Variants in ADGRL3 observed in about 807,000 individuals in gnomAD.
ADGRL3 encodes the protein calcium-independent alpha-latrotoxin receptor 3.
ADGRL3 carries 62 observed loss-of-function variants against 153.5 expected under a neutral mutation model. The observed-to-expected ratio is 0.40, with a 90% confidence interval of 0.33 to 0.50. The LOEUF (loss-of-function observed/expected upper bound fraction) is 0.50. Ranked by LOEUF, ADGRL3 falls within the 20% of genes least tolerant of loss-of-function variation. ADGRL3 has a pLI of 0.47. For missense variants in ADGRL3, 1,641 were observed against 1,859.4 expected (o/e 0.88, Z 2.16); for synonymous variants, 710 against 672.5 (o/e 1.06, Z -0.86).
intron 6 of ADGRL3, among the ~76,000 whole-genome samples, chr4:61,723,204 A>G (rs138434505): frequency 2.8e-3 from 425 of 152,252 alleles, no homozygotes; most frequent in African/African-American, 9.4e-3. Context: ...GCTTATCTTT[A>G]GTAAATAAGT....
At chr4:61,993,327 C>A (rs1334902404) in intron 19 of ADGRL3, among the ~76,000 whole-genome samples, 1 of 87,096 alleles carries the variant, frequency 1.1e-5, no homozygotes, top group African/African-American at 4.5e-5. Context: ...AATTCTCATT[C>A]TGTCACCCTG....
chr4:62,031,309 C>A, intron 22 of ADGRL3, 133 bp from the exon 23 acceptor site: 1 of 654,876 alleles, frequency 1.5e-6, no homozygotes, highest in Non-Finnish European at 2.5e-6. Context: ...AAAGTACTTA[C>A]ACCACCTGTC....
chr4:62,040,899 G>C (rs1335414645), intron 24 of ADGRL3, among the ~76,000 whole-genome samples: 1 of 152,024 alleles, frequency 6.6e-6, no homozygotes, highest in Admixed American at 6.6e-5. Flanking sequence ...AATGAAAGGA[G>C]AAAAGGAAAT....
In ADGRL3 at chr4:62,076,907, A is replaced by G. The variant is rs1747327871; in HGVS notation, c.*5999A>G. On this transcript the variant is annotated 3_prime_UTR_variant, in exon 27 of 27. Transcript: ENST00000683033. ...CATATGAAATTAATATTATATTAGA[A>G]TTATGTACATTATACAAAATAATTC... 2 of 151,476 alleles carry G rather than the reference A, an allele frequency of 1.3e-5. No individual in the cohort carries two copies. Among genetic ancestry groups the G allele is most frequent in the Non-Finnish European group, 1.5e-5 (1 of 67,770 alleles). 9.4% of individuals were successfully genotyped at this position (151,476 alleles called of 1,614,324 possible). A position where few individuals can be genotyped will look rare whatever the true frequency, so the allele number is the denominator to read the frequency against.
chr4:61,741,059 C>T (rs559401434), intron 8 of ADGRL3, among the ~76,000 whole-genome samples: 4 of 152,256 alleles, frequency 2.6e-5, no homozygotes, highest in African/African-American at 4.8e-5. Flanking sequence ...CATGACACCT[C>T]GTTAAAATGT....
At chr4:62,060,361 G>C (rs535272920) in intron 25 of ADGRL3, among the ~76,000 whole-genome samples, 2 of 151,978 alleles carry the variant, frequency 1.3e-5, no homozygotes, top group African/African-American at 4.8e-5. Flanking sequence ...TAGCAATGAA[G>C]GGAAATACGG....
intron 9 of ADGRL3, among the ~76,000 whole-genome samples, chr4:61,876,209 G>T (rs1260331963): frequency 6.6e-6 from 1 of 150,958 alleles, no homozygotes; most frequent in East Asian, 1.9e-4. Context: ...TTCAGCACTT[G>T]TTATGTATCA....
intron 21 of ADGRL3, among the ~76,000 whole-genome samples, chr4:62,009,514 G>A (rs756297981): frequency 5.9e-5 from 9 of 151,960 alleles, no homozygotes; most frequent in Non-Finnish European, 1.2e-4. Context: ...AGAAATAAAT[G>A]GTTATATATA....
chr4:62,009,204 T>G (rs2099172838), intron 21 of ADGRL3, among the ~76,000 whole-genome samples: 2 of 152,156 alleles, frequency 1.3e-5, no homozygotes, highest in South Asian at 4.1e-4. Flanking sequence ...TAAAAATCAG[T>G]TAGATGTCAA....
chr4:61,243,777 G>T (rs1398075386), intron 1 of ADGRL3, among the ~76,000 whole-genome samples: 5 of 151,904 alleles, frequency 3.3e-5, no homozygotes, highest in Non-Finnish European at 7.4e-5. Flanking sequence ...ATATTAAAAA[G>T]ATATTGTGTT....
At chr4:61,776,121 C>T (rs1258351796) in intron 8 of ADGRL3, among the ~76,000 whole-genome samples, 7 of 151,984 alleles carry the variant, frequency 4.6e-5, no homozygotes, top group African/African-American at 1.2e-4. Flanking sequence ...AGGATGATCT[C>T]GATCTCCTGA....
chr4:61,763,899 G>A (rs2096941998), intron 8 of ADGRL3, among the ~76,000 whole-genome samples: 1 of 151,884 alleles, frequency 6.6e-6, no homozygotes, highest in African/African-American at 2.4e-5. Flanking sequence ...AACCTTATTT[G>A]GCTACTAAAT....
chr4:61,990,771 TA>T (rs777917585), intron 19 of ADGRL3, among the ~76,000 whole-genome samples: 2 of 151,916 alleles, frequency 1.3e-5, no homozygotes, highest in Non-Finnish European at 2.9e-5. Flanking sequence ...CTTATATCAT[TA>T]TTCTCTGGAG....
intron 4 of ADGRL3, among the ~76,000 whole-genome samples, chr4:61,540,329 A>G (rs1257063520): frequency 2.0e-5 from 3 of 152,126 alleles, no homozygotes; most frequent in East Asian, 3.9e-4. Flanking sequence ...CAGGCAGCTC[A>G]CTTGAGGTCA....
chr4:61,958,002 G>A (rs1424667132), intron 17 of ADGRL3, among the ~76,000 whole-genome samples: 2 of 152,082 alleles, frequency 1.3e-5, no homozygotes, highest in Non-Finnish European at 2.9e-5. Context: ...CTGCAGTTGT[G>A]CAAATTTAGA....
chr4:61,643,022 T>C (rs1482490225), intron 5 of ADGRL3, among the ~76,000 whole-genome samples: 1 of 152,208 alleles, frequency 6.6e-6, no homozygotes, highest in East Asian at 1.9e-4. Flanking sequence ...TAAGTTGGAT[T>C]CCTAGGTATT....
At chr4:61,692,338 C>A (rs2095554609) in intron 6 of ADGRL3, among the ~76,000 whole-genome samples, 3 of 151,916 alleles carry the variant, frequency 2.0e-5, no homozygotes, top group Admixed American at 1.3e-4. Context: ...CTCTATTTCT[C>A]AACCCCATAT....
At chr4:61,569,950 A>G (rs898392004) in intron 4 of ADGRL3, among the ~76,000 whole-genome samples, 1 of 152,156 alleles carries the variant, frequency 6.6e-6, no homozygotes, top group Admixed American at 6.6e-5. Flanking sequence ...ATTACATTGT[A>G]TGAATACCCT....
chr4:61,399,006 G>T (rs1382595109), intron 2 of ADGRL3, among the ~76,000 whole-genome samples: 1 of 151,324 alleles, frequency 6.6e-6, no homozygotes, highest in East Asian at 1.9e-4. Context: ...CTTACTCTTG[G>T]GTTACTTGAA....
Sources: allele counts gnomAD v4.1 joint callset (sites outside exome capture counted in the v4.1 genomes callset), GRCh38; gene constraint gnomAD v4.1.1; transcripts MANE v1.5; gene names NCBI Gene and HGNC (gene_info 2026-07-23, HGNC 2026-07-21).